SCHIP1: variants seen among roughly 807,000 people sequenced by gnomAD.
SCHIP1 encodes schwannomin interacting protein 1.
In SCHIP1, 8 loss-of-function variants were observed where a neutral mutation model predicts 29.7. The ratio of observed to expected loss-of-function variants is 0.27; its 90% CI spans 0.16 to 0.49. The LOEUF (loss-of-function observed/expected upper bound fraction) is 0.49. Ranked by LOEUF, SCHIP1 falls within the 20% of genes least tolerant of loss-of-function variation. The pLI is 0.99. For missense variants in SCHIP1, 193 were observed against 294.6 expected (o/e 0.66, Z 2.52); for synonymous variants, 76 against 94.9 (o/e 0.80, Z 1.16).
chr3:159,520,348 G>T, the SCHIP1 span, among the ~76,000 whole-genome samples: 1 of 152,100 alleles, frequency 6.6e-6, no homozygotes, highest in African/African-American at 2.4e-5. Flanking sequence ...AATGACTAAG[G>T]TACTGACAAG....
chr3:159,281,273 T>TG, the SCHIP1 span, among the ~76,000 whole-genome samples: 1 of 152,202 alleles, frequency 6.6e-6, no homozygotes, highest in African/African-American at 2.4e-5. Context: ...TGCTAGAATC[T>TG]GGGGAAACAT....
At chr3:159,896,964 A>G (rs1169225735) in exon 7 of SCHIP1, 3 of 496,902 alleles carry the variant, frequency 6.0e-6, no homozygotes, top group Non-Finnish European at 1.0e-5. Flanking sequence ...ACTTAATATC[A>G]GGCATTTTAA....
the SCHIP1 span, chr3:159,763,861 G>C: frequency 1.3e-5 from 2 of 152,112 alleles, no homozygotes; most frequent in African/African-American, 2.4e-5. Flanking sequence ...GCGGGAGTGA[G>C]ACCTCCGACT....
intron 1 of SCHIP1, among the ~76,000 whole-genome samples, chr3:159,856,381 C>G (rs1157288586): frequency 1.3e-5 from 2 of 152,066 alleles, no homozygotes; most frequent in African/African-American, 4.8e-5. Context: ...GTGTGGACTT[C>G]TAAAGTGTGC....
the SCHIP1 span, among the ~76,000 whole-genome samples, chr3:159,351,779 G>C: frequency 6.6e-6 from 1 of 152,056 alleles, no homozygotes; most frequent in Non-Finnish European, 1.5e-5. Flanking sequence ...GGAGCTGAAG[G>C]AACCTTAGTT....
At chr3:159,638,458 T>A in the SCHIP1 span, among the ~76,000 whole-genome samples, 1 of 152,168 alleles carries the variant, frequency 6.6e-6, no homozygotes, top group African/African-American at 2.4e-5. Context: ...CCAATGCTCT[T>A]CTTTTAGGTT....
the SCHIP1 span, among the ~76,000 whole-genome samples, chr3:159,625,550 T>C: frequency 6.6e-6 from 1 of 152,254 alleles, no homozygotes; most frequent in South Asian, 2.1e-4. Context: ...TTTATTTCCC[T>C]CCTACCTAAT....
At chr3:159,604,464 G>A in the SCHIP1 span, among the ~76,000 whole-genome samples, 3 of 152,126 alleles carry the variant, frequency 2.0e-5, no homozygotes, top group Non-Finnish European at 4.4e-5. Context: ...CAGTGAGATC[G>A]CTCACTTAAC....
At chr3:159,704,663 T>C in the SCHIP1 span, among the ~76,000 whole-genome samples, 2 of 152,078 alleles carry the variant, frequency 1.3e-5, no homozygotes, top group South Asian at 4.2e-4. Flanking sequence ...AAAATTAAAA[T>C]GGGAATTTCC....
At chr3:159,883,736 C>G (rs1577488564) in intron 2 of SCHIP1, among the ~76,000 whole-genome samples, 1 of 152,108 alleles carries the variant, frequency 6.6e-6, no homozygotes, top group Non-Finnish European at 1.5e-5. Context: ...TATGTCTCAC[C>G]CTATAAGAAG....
chr3:159,462,494 T>C, the SCHIP1 span, among the ~76,000 whole-genome samples: 1 of 152,140 alleles, frequency 6.6e-6, no homozygotes, highest in African/African-American at 2.4e-5. Flanking sequence ...GTCAAGTCTC[T>C]CATTATTTCT....
chr3:159,390,870 G>A, the SCHIP1 span, among the ~76,000 whole-genome samples: 4,020 of 151,994 alleles, frequency 0.026, 188 homozygotes, highest in African/African-American at 0.093. Context: ...AAAAAATTAA[G>A]GTGCTTAAGG....
At chr3:159,585,470 T>C in the SCHIP1 span, among the ~76,000 whole-genome samples, 1 of 152,302 alleles carries the variant, frequency 6.6e-6, no homozygotes, top group South Asian at 2.1e-4. Context: ...CTTGGAAGGA[T>C]GGAGATAAAA....
At chr3:159,652,280 A>AT in the SCHIP1 span, among the ~76,000 whole-genome samples, 1 of 152,056 alleles carries the variant, frequency 6.6e-6, no homozygotes. Context: ...TTAGTAAGGC[A>AT]TTTTTTGCTA....
the SCHIP1 span, among the ~76,000 whole-genome samples, chr3:159,712,687 G>C: frequency 6.6e-6 from 1 of 151,466 alleles, no homozygotes; most frequent in East Asian, 1.9e-4. Flanking sequence ...CCACTTTCTA[G>C]CCTGAGTGAT....
At chr3:159,622,754 T>G in the SCHIP1 span, among the ~76,000 whole-genome samples, 10 of 152,006 alleles carry the variant, frequency 6.6e-5, no homozygotes, top group Non-Finnish European at 1.0e-4. Flanking sequence ...CCGTCTCTAC[T>G]AAAAATACAA....
At chr3:159,779,263 G>A in the SCHIP1 span, among the ~76,000 whole-genome samples, 1 of 152,290 alleles carries the variant, frequency 6.6e-6, no homozygotes, top group South Asian at 2.1e-4. Context: ...AGTGGAAAAG[G>A]GAAGGGAGAT....
rs372719622 is a variant in SCHIP1, at chr3:159,849,260, G to C, written c.30+9046G>C. On this transcript the variant is annotated intron_variant, in intron 1 of 6. Transcript: ENST00000445224. ...ATTACTAGTACACATATATTAATCTGTATGTATATATACATAATCATGAGA... is the reference window on the plus strand; with the variant it reads ...ATTACTAGTACACATATATTAATCTCTATGTATATATACATAATCATGAGA... Among the ~76,000 whole-genome samples the C allele has an allele frequency of 2.0e-4, 31 of 151,988 alleles. No homozygotes were observed. The South Asian group carries it at 6.2e-3, about 31-fold the overall frequency.
chr3:159,558,120 G>A, the SCHIP1 span, among the ~76,000 whole-genome samples: 27 of 152,252 alleles, frequency 1.8e-4, no homozygotes, highest in Middle Eastern at 3.4e-3. Flanking sequence ...GTGGAACCAG[G>A]TATCAAGAGT....
Sources: allele counts gnomAD v4.1 joint callset (sites outside exome capture counted in the v4.1 genomes callset), GRCh38; gene constraint gnomAD v4.1.1; transcripts MANE v1.5; gene names NCBI Gene and HGNC (gene_info 2026-07-23, HGNC 2026-07-21).